Variants in PNLDC1 observed in about 807,000 individuals in gnomAD.
The protein encoded by PNLDC1 is poly(A)-specific ribonuclease PNLDC1.
Under a neutral mutation model 82.0 loss-of-function variants are expected in PNLDC1, and 70 were observed. That is an observed-to-expected ratio of 0.85 (90% confidence interval 0.70 to 1.04). The LOEUF (loss-of-function observed/expected upper bound fraction) is 1.04. PNLDC1 is among the 50% of genes least tolerant of loss of function. PNLDC1 has a pLI of 0.00. For missense variants in PNLDC1, 631 were observed against 661.1 expected, an observed-to-expected ratio of 0.95 and a Z score of 0.50; for synonymous variants, 280 against 249.3, an observed-to-expected ratio of 1.12 and a Z score of -1.16.
intron 13 of PNLDC1, 91 bp downstream of exon 13, chr6:159,816,124 C>G (rs1220065949): frequency 2.3e-6 from 2 of 867,202 alleles, no homozygotes; most frequent in African/African-American, 2.3e-5. Context: ...TCCCCCACAC[C>G]CCTCCCCACC....
rs1315007187 is a variant in PNLDC1 at position 159,808,737 on chromosome 6, C to T, written c.563-3C>T. 1.9e-6 allele frequency: 3 copies of T among 1,613,164 alleles called. No homozygotes were observed. Among genetic ancestry groups the T allele is most frequent in the South Asian group, 2.2e-5 (2 of 90,804 alleles). ...TGTGTGCCCCTGTGTTTCCCTGCTG[C>T]AGGCTTCCAGGCCTTTGAGGTCCAA... On this transcript the variant is annotated splice_region_variant and splice_polypyrimidine_tract_variant and intron_variant, in intron 7 of 18. Coordinates refer to ENST00000392167, the MANE Select transcript of PNLDC1 (RefSeq NM_001271862.2).
chr6:159,816,308 C>T (rs986967793), intron 13 of PNLDC1, among the ~76,000 whole-genome samples: 1 of 150,748 alleles, frequency 6.6e-6, no homozygotes, highest in Non-Finnish European at 1.5e-5. Context: ...TCCAAGAGCC[C>T]TGGGAGTTGT....
rs941947516 is a variant in PNLDC1 at position 159,803,258 on chromosome 6, G to T, written c.209-13G>T. The T allele has an allele frequency of 6.2e-7, 1 of 1,613,816 alleles. No individual in the cohort carries two copies. The highest frequency in any genetic ancestry group is 8.5e-7 in the Non-Finnish European group (1 of 1,179,806). ...TTCCTTGGCATTCATTCCCTCTACG[G>T]TCATTCTTCCAGGATTGTCTGTGTT... On this transcript the variant is annotated splice_polypyrimidine_tract_variant and intron_variant, in intron 3 of 18. Transcript: ENST00000392167.
rs1263750173 is a variant in PNLDC1, at chr6:159,813,452, A to G, written c.940-149A>G. On this transcript the variant is annotated intron_variant, in intron 11 of 18. Transcript: ENST00000392167. ...CGTACCCTGACATCCTAACTAAGGA[A>G]TAAGGATGGTTGCACCATTTGAAGA... The G allele has an allele frequency of 7.3e-6, 5 of 688,538 alleles. No individual in the cohort carries two copies. In the East Asian group the frequency reaches 1.3e-4, roughly 18 times the overall value. 42.7% of individuals were successfully genotyped at this position (688,538 alleles called of 1,614,324 possible).
upstream of PNLDC1, among the ~76,000 whole-genome samples, chr6:159,799,708 C>A (rs768433528): frequency 1.7e-4 from 26 of 152,056 alleles, no homozygotes; most frequent in Non-Finnish European, 3.4e-4. Flanking sequence ...CCCTGGGGAC[C>A]AAGGATTCCT....
chr6:159,804,257 T>C (rs898655922), intron 5 of PNLDC1, among the ~76,000 whole-genome samples, 169 bp downstream of exon 5: 2 of 152,144 alleles, frequency 1.3e-5, no homozygotes, highest in South Asian at 4.1e-4. Flanking sequence ...CCCGCCACCA[T>C]GCCCAGCTAA....
intron 13 of PNLDC1, 98 bp downstream of exon 13, chr6:159,816,131 C>A: frequency 2.0e-6 from 1 of 493,432 alleles, no homozygotes; most frequent in Non-Finnish European, 2.7e-6. Flanking sequence ...CACCCCTCCC[C>A]ACCCACCCGC....
intron 14 of PNLDC1, 140 bp downstream of exon 14, chr6:159,816,736 GAT>G (rs1781847028): frequency 2.6e-5 from 20 of 758,728 alleles, no homozygotes; most frequent in South Asian, 1.6e-4. Context: ...GGGCTCAGGT[GAT>G]CCTCCCACCT....
chr6:159,803,886 C>A lies in PNLDC1; in HGVS notation c.249-79C>A, dbSNP rs574090602. ...GATTCTTCTTGCCTAAAAGAAAGAG[C>A]CCACCCTGAAGCCAGCCCTGGGAGC... On this transcript the variant is annotated intron_variant, in intron 4 of 18. Transcript: ENST00000392167. The A allele has an allele frequency of 2.7e-6, 4 of 1,474,554 alleles. No individual in the cohort carries two copies. In the African/African-American group the frequency reaches 5.6e-5, roughly 21 times the overall value. The allele number at this position is 1,474,554 out of a possible 1,614,324, so 91.3% of individuals were successfully genotyped here.
intron 7 of PNLDC1, among the ~76,000 whole-genome samples, chr6:159,807,083 G>A (rs1781476129): frequency 6.6e-6 from 1 of 151,990 alleles, no homozygotes; most frequent in Admixed American, 6.6e-5. Context: ...AGTAGAGATG[G>A]GGTTTAACCA....
chr6:159,811,681 A>T lies in PNLDC1; in HGVS notation c.854-20A>T. 6.3e-7 allele frequency: 1 copy of T among 1,597,442 alleles called. No homozygotes were observed. Among genetic ancestry groups the T allele is most frequent in the Non-Finnish European group, 8.6e-7 (1 of 1,165,606 alleles). On this transcript the variant is annotated intron_variant, in intron 10 of 18. Coordinates refer to ENST00000392167, the MANE Select transcript of PNLDC1 (RefSeq NM_001271862.2). ...CCAACAAACAAATTCACTCTTGACT[A>T]CCTGGGTTTTTCCCCTCAGAAAGCT...
At chr6:159,800,482 C>G (rs113904833) in intron 1 of PNLDC1, 99 bp downstream of exon 1, 3 of 1,398,372 alleles carry the variant, frequency 2.1e-6, no homozygotes, top group Middle Eastern at 2.5e-4. Flanking sequence ...CACAGGGCCT[C>G]AGAGAGGGCC....
At chr6:159,810,912 G>C (rs1176939154) in intron 10 of PNLDC1, among the ~76,000 whole-genome samples, 1 of 152,174 alleles carries the variant, frequency 6.6e-6, no homozygotes, top group African/African-American at 2.4e-5. Flanking sequence ...AAAAAACTAA[G>C]TACAACAAAA....
intron 1 of PNLDC1, 63 bp downstream of exon 1, chr6:159,800,446 AG>A: frequency 6.7e-7 from 1 of 1,498,712 alleles, no homozygotes; most frequent in East Asian, 2.5e-5. Context: ...GAGCTTGAGG[AG>A]GGGGTGGCGG....
Position 159,811,694 on chromosome 6 carries a change from C to T in PNLDC1, c.854-7C>T, listed in dbSNP as rs1164762719. ...TCACTCTTGACTACCTGGGTTTTTCCCCTCAGAAAGCTACGATCAATTTAA... is the reference window on the plus strand; with the variant it reads ...TCACTCTTGACTACCTGGGTTTTTCTCCTCAGAAAGCTACGATCAATTTAA... On this transcript the variant is annotated splice_polypyrimidine_tract_variant and splice_region_variant and intron_variant, in intron 10 of 18. Coordinates refer to ENST00000392167, the MANE Select transcript of PNLDC1 (RefSeq NM_001271862.2). The T allele has an allele frequency of 6.2e-7, 1 of 1,611,010 alleles. No homozygotes were observed. The highest frequency in any genetic ancestry group is 8.5e-7 in the Non-Finnish European group (1 of 1,177,856).
chr6:159,815,500 C>T lies in PNLDC1; in HGVS notation c.996-469C>T, dbSNP rs377235495. Among the ~76,000 whole-genome samples, 13 of 152,296 alleles carry T rather than the reference C, an allele frequency of 8.5e-5. No individual in the cohort carries two copies. The South Asian group carries it at 2.1e-3, about 24-fold the overall frequency. ...CTTTTCCTCACTGTCTTTGCCTGCTCGAAATGCCTGCCGTCTCCCCATTCC... is the reference window on the plus strand; with the variant it reads ...CTTTTCCTCACTGTCTTTGCCTGCTTGAAATGCCTGCCGTCTCCCCATTCC... On this transcript the variant is annotated intron_variant, in intron 12 of 18. Coordinates refer to ENST00000392167, the MANE Select transcript of PNLDC1 (RefSeq NM_001271862.2).
chr6:159,813,656 G>C lies in PNLDC1; in HGVS notation c.995G>C (p.Ser332Thr). 6.2e-7 allele frequency: 1 copy of C among 1,613,722 alleles called. No homozygotes were observed. The highest frequency in any genetic ancestry group is 8.5e-7 in the Non-Finnish European group (1 of 1,179,600). The change falls in exon 12 of 19, where the codon AGT becomes ACT. Residue 332 changes from serine to threonine, a missense_variant and splice_region_variant. Coordinates refer to ENST00000392167, the MANE Select transcript of PNLDC1 (RefSeq NM_001271862.2). ...TCGGAAGTCTATGAAGTCCTGAACA[G>C]GTGAGGACGGCGATTCCTGGAGCTA... ...NLSEVYEVLNSDLNPTKNSGP... is the reference protein window; with the variant it reads ...NLSEVYEVLNTDLNPTKNSGP...
chr6:159,814,724 ACTGGTT>A (rs1781758790), intron 12 of PNLDC1, among the ~76,000 whole-genome samples: 2 of 152,278 alleles, frequency 1.3e-5, no homozygotes, highest in South Asian at 4.1e-4. Context: ...TTTGCCACTC[ACTGGTT>A]CTGTGAGTGA....
At chr6:159,800,973 A>T (rs936855932) in intron 2 of PNLDC1, 140 bp from the exon 3 acceptor site, 2 of 1,445,480 alleles carry the variant, frequency 1.4e-6, no homozygotes, top group Non-Finnish European at 1.9e-6. Context: ...TTTTCTGTCC[A>T]CTAAATGATG....
Sources: gnomAD v4.1 joint callset for allele counts (sites outside exome capture counted in the v4.1 genomes callset) on GRCh38, gnomAD v4.1.1 for gene constraint, MANE v1.5 for transcripts, NCBI Gene and HGNC (gene_info 2026-07-23, HGNC 2026-07-21) for gene names.